ACCSL: variants seen among roughly 807,000 people sequenced by gnomAD.
ACCSL encodes probable inactive 1-aminocyclopropane-1-carboxylate synthase-like protein 2.
Under a neutral mutation model 61.7 loss-of-function variants are expected in ACCSL, and 55 were observed. The observed-to-expected ratio is 0.89, with a 90% CI of 0.72 to 1.12. The LOEUF is 1.12. ACCSL is among the 50% of genes most tolerant of loss of function. ACCSL has a pLI of 0.00. For synonymous variants in ACCSL, 258 were observed against 264.3 expected (o/e 0.98, Z 0.23); for missense variants, 632 against 698.0 (o/e 0.91, Z 1.07).
chr11:44,029,982 T>C, the ACCSL span, among the ~76,000 whole-genome samples: 1 of 115,674 alleles, frequency 8.6e-6, no homozygotes, highest in African/African-American at 4.1e-5. Context: ...TTATTTTATT[T>C]TATTTTATTT....
chr11:44,037,188 T>G, the ACCSL span, among the ~76,000 whole-genome samples: 1 of 152,212 alleles, frequency 6.6e-6, no homozygotes, highest in African/African-American at 2.4e-5. Context: ...GGAATTTGTT[T>G]GCTTTTGGAG....
the ACCSL span, chr11:44,001,082 C>G: frequency 6.6e-6 from 1 of 152,012 alleles, no homozygotes; most frequent in African/African-American, 2.4e-5. Flanking sequence ...ATTTGCTATG[C>G]CCCTGTTTTG....
the ACCSL span, among the ~76,000 whole-genome samples, chr11:43,966,730 T>A: frequency 6.6e-6 from 1 of 152,172 alleles, no homozygotes; most frequent in South Asian, 2.1e-4. Context: ...AGTCCTTTTA[T>A]GAGTGACTTG....
intron 1 of ACCSL, among the ~76,000 whole-genome samples, chr11:44,049,413 C>G (rs1486105515): frequency 9.8e-6 from 1 of 102,120 alleles, no homozygotes; most frequent in Non-Finnish European, 1.9e-5. Context: ...GAGTGGGACC[C>G]TGTCTCAAAA....
chr11:43,981,322 T>C, the ACCSL span, among the ~76,000 whole-genome samples: 3 of 152,086 alleles, frequency 2.0e-5, no homozygotes, highest in Admixed American at 6.5e-5. Context: ...CACTTCTGAC[T>C]TCCCTGGACA....
chr11:43,925,043 A>G, the ACCSL span: 1 of 175,354 alleles, frequency 5.7e-6, no homozygotes. Context: ...TTCAGCCTCC[A>G]TTCACCTGGA....
chr11:44,005,684 A>G, the ACCSL span, among the ~76,000 whole-genome samples: 3 of 152,066 alleles, frequency 2.0e-5, no homozygotes, highest in Admixed American at 6.5e-5. Flanking sequence ...AGATTTTACT[A>G]CTGAAAGTTT....
chr11:43,950,709 G>A, the ACCSL span, among the ~76,000 whole-genome samples: 1 of 152,206 alleles, frequency 6.6e-6, no homozygotes, highest in Non-Finnish European at 1.5e-5. Flanking sequence ...TGGCCTAGGG[G>A]ATGCCAGAGA....
chr11:43,992,455 T>A, the ACCSL span, among the ~76,000 whole-genome samples: 4 of 152,230 alleles, frequency 2.6e-5, no homozygotes, highest in African/African-American at 7.2e-5. Context: ...CTGCCAGGTG[T>A]CCACGCTTCC....
chr11:43,936,012 G>T, the ACCSL span, among the ~76,000 whole-genome samples: 1 of 152,192 alleles, frequency 6.6e-6, no homozygotes, highest in Admixed American at 6.5e-5. Flanking sequence ...CAGGACCCCC[G>T]ATGCTGGGCA....
intron 5 of ACCSL, 48 bp downstream of exon 5, chr11:44,051,767 C>T (rs1952641237): frequency 6.2e-7 from 1 of 1,603,764 alleles, no homozygotes; most frequent in Non-Finnish European, 8.5e-7. Flanking sequence ...ACTAGCAACA[C>T]AGGTAGGAAC....
Position 44,048,096 on chromosome 11 carries a change from C to T in ACCSL, c.60C>T (p.Pro20=), listed in dbSNP as rs1952610990. Residue 20 remains proline (P), a synonymous_variant, in exon 1 of 14, where the codon CCC becomes CCT. Transcript: ENST00000378832. ...VPSGQRRGRV[P]RDHSIYTQLL... ...CTGGTCAGAGGAGAGGCCGGGTCCC[C>T]AGAGACCACAGCATCTATACCCAGC... 3.1e-6 allele frequency: 5 copies of T among 1,614,182 alleles called. 1 individual carries two copies. The African/African-American group carries it at 5.3e-5, about 17-fold the overall frequency.
chr11:43,992,497 G>T, the ACCSL span, among the ~76,000 whole-genome samples: 1 of 152,284 alleles, frequency 6.6e-6, no homozygotes, highest in African/African-American at 2.4e-5. Context: ...TATCATTACT[G>T]TGTGGCCTCA....
chr11:43,990,702 G>C, the ACCSL span, among the ~76,000 whole-genome samples: 1 of 152,286 alleles, frequency 6.6e-6, no homozygotes, highest in African/African-American at 2.4e-5. Context: ...CTGCCTCCTA[G>C]ATTTCTGTCC....
chr11:44,037,019 A>G, the ACCSL span, among the ~76,000 whole-genome samples: 1 of 152,164 alleles, frequency 6.6e-6, no homozygotes, highest in Non-Finnish European at 1.5e-5. Context: ...AGAAAAGGTT[A>G]TGCAATCTGG....
At chr11:43,996,680 T>C in the ACCSL span, among the ~76,000 whole-genome samples, 4 of 152,180 alleles carry the variant, frequency 2.6e-5, no homozygotes, top group East Asian at 7.7e-4. Context: ...AGAGGAAAGT[T>C]TGGACTGGAG....
At chr11:43,967,605 T>G in the ACCSL span, among the ~76,000 whole-genome samples, 22,367 of 152,196 alleles carry the variant, frequency 0.15, 1,819 homozygotes, top group Middle Eastern at 0.35. Context: ...GATTTATTAA[T>G]CCACAGAACA....
the ACCSL span, among the ~76,000 whole-genome samples, chr11:43,952,180 A>G: frequency 3.9e-5 from 6 of 152,068 alleles, no homozygotes; most frequent in African/African-American, 1.4e-4. Context: ...TCAGATAATC[A>G]GCATAGTACT....
At chr11:44,018,638 A>C in the ACCSL span, among the ~76,000 whole-genome samples, 2 of 152,172 alleles carry the variant, frequency 1.3e-5, no homozygotes, top group African/African-American at 4.8e-5. Context: ...AATAGTAATA[A>C]TTACTCATTT....
Sources: allele counts gnomAD v4.1 joint callset (sites outside exome capture counted in the v4.1 genomes callset), GRCh38; gene constraint gnomAD v4.1.1; transcripts MANE v1.5; gene names NCBI Gene and HGNC (gene_info 2026-07-23, HGNC 2026-07-21).